RGS7: variants seen among roughly 807,000 people sequenced by gnomAD.
The protein encoded by RGS7 is regulator of G-protein signaling 7.
In RGS7, 27 loss-of-function variants were observed where a neutral mutation model predicts 81.1. The observed-to-expected ratio is 0.33, with a 90% CI of 0.25 to 0.46. The LOEUF is 0.46. Ranked by LOEUF, RGS7 falls within the 20% of genes least tolerant of loss-of-function variation. The pLI is 1.00. For synonymous variants in RGS7, 208 were observed against 207.7 expected (o/e 1.00, Z -0.01); for missense variants, 396 against 607.4 (o/e 0.65, Z 3.66).
intron 6 of RGS7, among the ~76,000 whole-genome samples, chr1:240,930,509 T>G (rs1229407997): frequency 6.6e-6 from 1 of 152,192 alleles, no homozygotes; most frequent in African/African-American, 2.4e-5. Flanking sequence ...CTTTAATAGT[T>G]GCAGAGGGCA....
At chr1:240,867,791 C>T (rs903354502) in intron 9 of RGS7, among the ~76,000 whole-genome samples, 4 of 151,906 alleles carry the variant, frequency 2.6e-5, no homozygotes, top group African/African-American at 7.3e-5. Context: ...GCTTGAGCTC[C>T]GGAGTTCAAG....
At chr1:240,870,520 A>G (rs766039105) in intron 6 of RGS7, among the ~76,000 whole-genome samples, 2 of 152,016 alleles carry the variant, frequency 1.3e-5, no homozygotes, top group Non-Finnish European at 2.9e-5. Context: ...TATCGTTATT[A>G]TTATTATTTG....
chr1:241,134,913 G>GCCGGCCGGAAGACACCTCCC, intron 2 of RGS7, among the ~76,000 whole-genome samples: 1 of 151,174 alleles, frequency 6.6e-6, no homozygotes, highest in Admixed American at 6.6e-5. Flanking sequence ...CAGGACGACA[G>GCCGGCCGGAAGACACCTCCC]CCGGCCGGAA....
chr1:240,998,302 T>C, intron 3 of RGS7: 1 of 395,402 alleles, frequency 2.5e-6, no homozygotes, highest in Non-Finnish European at 4.6e-6. Context: ...TCGTTGGGCT[T>C]ATTTATCCTA....
At chr1:240,827,638 G>A (rs912841930) in intron 9 of RGS7, among the ~76,000 whole-genome samples, 1 of 151,932 alleles carries the variant, frequency 6.6e-6, no homozygotes, top group African/African-American at 2.4e-5. Context: ...TGAGGTGGGT[G>A]GATCACCTGA....
chr1:241,302,288 G>A (rs538497254), intron 2 of RGS7, among the ~76,000 whole-genome samples: 11 of 152,116 alleles, frequency 7.2e-5, no homozygotes, highest in East Asian at 1.9e-4. Context: ...GGTGGCTTAC[G>A]CCTGTAATCC....
chr1:240,933,528 G>A lies in RGS7; in HGVS notation c.334-2760C>T, dbSNP rs575439224. 1.3e-5 allele frequency among the ~76,000 whole-genome samples: 2 copies of A among 151,866 alleles called. 1 individual carries two copies. The highest frequency in any genetic ancestry group is 4.2e-4 in the South Asian group (2 of 4,816). ...TAATATGGAAGATTTTTTCTAAGAA[G>A]TAGTGTTTTGATCTGTAGTAAACGA... is the stretch of plus-strand genomic sequence containing the variant. On this transcript the variant is annotated intron_variant, in intron 5 of 18. Coordinates refer to ENST00000440928, the MANE Select transcript of RGS7 (RefSeq NM_001364886.1).
At chr1:241,153,576 C>T (rs2068905832) in intron 2 of RGS7, among the ~76,000 whole-genome samples, 1 of 152,248 alleles carries the variant, frequency 6.6e-6, no homozygotes. Flanking sequence ...GGGGCTTGCC[C>T]CAGTGCGGTA....
intron 6 of RGS7, among the ~76,000 whole-genome samples, chr1:240,916,399 A>G (rs1022558992): frequency 6.6e-6 from 1 of 152,156 alleles, no homozygotes; most frequent in Non-Finnish European, 1.5e-5. Context: ...GAAGAAAGAA[A>G]AGAACAGAAG....
At chr1:241,064,073 C>T (rs920766752) in intron 3 of RGS7, among the ~76,000 whole-genome samples, 1 of 150,044 alleles carries the variant, frequency 6.7e-6, no homozygotes, top group Non-Finnish European at 1.5e-5. Flanking sequence ...ATCCCAGCTA[C>T]GAGGGAGGCT....
At chr1:240,818,231 T>C (rs1691166181) in intron 10 of RGS7, among the ~76,000 whole-genome samples, 1 of 152,120 alleles carries the variant, frequency 6.6e-6, no homozygotes, top group African/African-American at 2.4e-5. Flanking sequence ...CATTCATTCA[T>C]TCATTCAACA....
At chr1:241,201,625 TAA>T (rs2073505248) in intron 2 of RGS7, among the ~76,000 whole-genome samples, 1 of 152,212 alleles carries the variant, frequency 6.6e-6, no homozygotes, top group South Asian at 2.1e-4. Flanking sequence ...CACTTTTTTT[TAA>T]TACATATATA....
At chr1:240,847,709 C>T (rs1013175367) in intron 9 of RGS7, among the ~76,000 whole-genome samples, 4 of 152,084 alleles carry the variant, frequency 2.6e-5, no homozygotes, top group East Asian at 3.8e-4. Flanking sequence ...GAAGAGTATG[C>T]CAAAAATCCA....
chr1:241,011,021 T>C (rs1212017991), intron 3 of RGS7, among the ~76,000 whole-genome samples: 1 of 152,212 alleles, frequency 6.6e-6, no homozygotes, highest in East Asian at 1.9e-4. Flanking sequence ...AGACTATATG[T>C]GTTTTAACTA....
chr1:241,107,940 G>GA lies in RGS7; in HGVS notation c.79-9179dup, dbSNP rs1308693607. On this transcript the variant is annotated intron_variant, in intron 2 of 18. Coordinates refer to ENST00000440928, the MANE Select transcript of RGS7 (RefSeq NM_001364886.1). The stretch of plus-strand genomic sequence containing the variant: ...GATACATGGATAAAGTTATATAGCA[G>GA]AAAAAAGTGTAAGAAAAGCAGTCTC... 3.3e-5 allele frequency among the ~76,000 whole-genome samples: 5 copies of GA among 152,136 alleles called. No individual in the cohort carries two copies. The East Asian group carries it at 9.7e-4, about 29-fold the overall frequency.
At chr1:241,002,705 G>A (rs183471257) in intron 3 of RGS7, among the ~76,000 whole-genome samples, 2 of 152,334 alleles carry the variant, frequency 1.3e-5, no homozygotes. Context: ...CATATGATAA[G>A]TGGTTGGTGA....
chr1:240,853,290 C>T (rs181119639), intron 9 of RGS7, among the ~76,000 whole-genome samples: 12 of 152,226 alleles, frequency 7.9e-5, no homozygotes, highest in Admixed American at 5.9e-4. Context: ...GGAATACAGA[C>T]ATTTTTAGAG....
At chr1:241,147,778 TTTTATATATATA>T (rs1392574042) in intron 2 of RGS7, among the ~76,000 whole-genome samples, 69 of 19,440 alleles carry the variant, frequency 3.5e-3, no homozygotes, top group African/African-American at 9.0e-3. Context: ...CTAGATTAAG[TTTTATATATATA>T]TATATATATA....
At chr1:241,065,312 A>G (rs753254812) in intron 3 of RGS7, among the ~76,000 whole-genome samples, 30 of 150,496 alleles carry the variant, frequency 2.0e-4, no homozygotes, top group Non-Finnish European at 4.0e-4. Flanking sequence ...TAATAGATAT[A>G]TGACAGATAT....
Sources: allele counts gnomAD v4.1 joint callset (sites outside exome capture counted in the v4.1 genomes callset), GRCh38; gene constraint gnomAD v4.1.1; transcripts MANE v1.5; gene names NCBI Gene and HGNC (gene_info 2026-07-23, HGNC 2026-07-21).